Variants in TARBP1 observed in about 807,000 individuals in gnomAD.
TARBP1 encodes tRNA guanosine 2 -O-methyltransferase TARBP1.
TARBP1 carries 144 observed loss-of-function variants against 178.6 expected under a neutral mutation model. The observed-to-expected ratio is 0.81, with a 90% CI of 0.70 to 0.93. The LOEUF (loss-of-function observed/expected upper bound fraction) is 0.93. TARBP1 is among the 40% of genes least tolerant of loss of function. The probability of loss-of-function intolerance (pLI) is 0.00; values close to 1 mark genes in which losing one functional copy is unlikely to be tolerated. For synonymous variants in TARBP1, 787 were observed against 781.0 expected (o/e 1.01, Z -0.13); for missense variants, 2,067 against 2,011.7 (o/e 1.03, Z -0.53).
chr1:234,406,204 A>G, intron 23 of TARBP1, 105 bp from the exon 24 acceptor site: 1 of 1,050,110 alleles, frequency 9.5e-7, no homozygotes, highest in Non-Finnish European at 1.4e-6. Flanking sequence ...GCTCCTAGTA[A>G]AACTTCTTCC....
rs187200585 is a variant in TARBP1, at chr1:234,454,049, T to C, written c.1723-3483A>G. Among the ~76,000 whole-genome samples, 6 of 152,164 alleles carry C rather than the reference T, an allele frequency of 3.9e-5. No homozygotes were observed. In the East Asian group the frequency reaches 1.2e-3, roughly 29 times the overall value. ...GAGCTGGCTCCTTAAAAACAAATAA[T>C]ACAACAGGCAAATGTCTCACTCCTT... On this transcript the variant is annotated intron_variant, in intron 9 of 29. Transcript: ENST00000040877.
At chr1:234,453,192 T>C (rs1049946161) in intron 9 of TARBP1, among the ~76,000 whole-genome samples, 2 of 152,152 alleles carry the variant, frequency 1.3e-5, no homozygotes, top group Admixed American at 1.3e-4. Context: ...TAGTTCATAA[T>C]AGTAATCAAT....
chr1:234,454,475 T>G (rs1335415601), intron 9 of TARBP1, among the ~76,000 whole-genome samples: 2 of 151,592 alleles, frequency 1.3e-5, no homozygotes, highest in African/African-American at 4.9e-5. Context: ...GAAGGGAGAG[T>G]AGGAGGTCCA....
At chr1:234,410,623 G>C in intron 22 of TARBP1, 92 bp from the exon 23 acceptor site, 1 of 769,878 alleles carries the variant, frequency 1.3e-6, no homozygotes, top group Non-Finnish European at 2.1e-6. Context: ...TGAGGGCCCA[G>C]GACAGGAGGC....
chr1:234,451,748 C>CAAAAAAAAAAAAAAAAAAAAA (rs766485621), intron 9 of TARBP1, among the ~76,000 whole-genome samples: 1 of 6,620 alleles, frequency 1.5e-4, no homozygotes, highest in Non-Finnish European at 2.2e-4. Flanking sequence ...GACTCCGTCT[C>CAAAAAAAAAAAAAAAAAAAAA]AAAAAAAAAA....
intron 7 of TARBP1, among the ~76,000 whole-genome samples, chr1:234,459,987 A>T (rs1372523949): frequency 2.0e-5 from 3 of 152,086 alleles, no homozygotes; most frequent in Non-Finnish European, 2.9e-5. Flanking sequence ...ATGTAATTTT[A>T]AAAAAAACTT....
At chr1:234,460,479 C>T in intron 6 of TARBP1, 83 bp from the exon 7 acceptor site, 3 of 1,427,026 alleles carry the variant, frequency 2.1e-6, no homozygotes, top group South Asian at 1.3e-5. Context: ...TAGGGAAATA[C>T]AAGTCAAAAC....
chr1:234,459,848 A>C (rs1467660666), intron 7 of TARBP1, among the ~76,000 whole-genome samples: 1 of 151,896 alleles, frequency 6.6e-6, no homozygotes, highest in African/African-American at 2.4e-5. Flanking sequence ...GCTTTTAAAG[A>C]AGTTTATATT....
In TARBP1 at chr1:234,479,022, C is replaced by T. The variant is rs749118728; in HGVS notation, c.82G>A (p.Ala28Thr). 2.0e-6 allele frequency: 3 copies of T among 1,526,124 alleles called. No individual in the cohort carries two copies. The highest frequency in any genetic ancestry group is 2.6e-6 in the Non-Finnish European group (3 of 1,149,400). The allele number at this position is 1,526,124 out of a possible 1,614,324, so 94.5% of individuals were successfully genotyped here. ...AGCGTCTCCACGCGCTCCGCGGATG[C>T]CTCCCCTTGGCACAGCGCCCCAAGC... is the stretch of plus-strand genomic sequence containing the variant. ...ALLGALCQGEASAERVETLRF... is the reference protein window; with the variant it reads ...ALLGALCQGETSAERVETLRF... The change falls in exon 1 of 30, where the codon GCA becomes ACA. Residue 28 changes from alanine (A) to threonine (T), a missense_variant. Coordinates refer to ENST00000040877, the MANE Select transcript of TARBP1 (RefSeq NM_005646.4).
In TARBP1 at chr1:234,446,710, T is replaced by C. The variant is rs569382458; in HGVS notation, c.2134+93A>G. 1,280 of 919,010 alleles carry C rather than the reference T, an allele frequency of 1.4e-3. 4 individuals are homozygous for C. The highest frequency in any genetic ancestry group is 1.6e-3 in the Non-Finnish European group (1,062 of 684,018). The allele number at this position is 919,010 out of a possible 1,614,324, so 56.9% of individuals were successfully genotyped here. On this transcript the variant is annotated intron_variant, in intron 12 of 29. Transcript: ENST00000040877. ...TTTCTAAATTATATAAAAAGTTTTCTCTTTGTTTTAAAAAGACGGAAGTTT... is the reference window on the plus strand; with the variant it reads ...TTTCTAAATTATATAAAAAGTTTTCCCTTTGTTTTAAAAAGACGGAAGTTT...
chr1:234,418,566 G>T (rs1424393848), intron 21 of TARBP1, among the ~76,000 whole-genome samples: 1 of 152,184 alleles, frequency 6.6e-6, no homozygotes, highest in Non-Finnish European at 1.5e-5. Context: ...TTCAAATCAA[G>T]ATCTGCCAAG....
intron 9 of TARBP1, among the ~76,000 whole-genome samples, chr1:234,452,199 C>T (rs1210984452): frequency 6.6e-6 from 1 of 152,130 alleles, no homozygotes; most frequent in Admixed American, 6.5e-5. Flanking sequence ...ATCTAAATGG[C>T]AGTCTCTGGG....
intron 5 of TARBP1, among the ~76,000 whole-genome samples, chr1:234,464,304 T>G (rs1360861251): frequency 6.6e-6 from 1 of 152,214 alleles, no homozygotes; most frequent in African/African-American, 2.4e-5. Context: ...CTTTAAATTT[T>G]TAGGTCTAAA....
intron 9 of TARBP1, among the ~76,000 whole-genome samples, chr1:234,457,017 T>A (rs753634607): frequency 6.6e-6 from 1 of 152,174 alleles, no homozygotes; most frequent in Non-Finnish European, 1.5e-5. Flanking sequence ...GTCAGTTGTA[T>A]AAACTAAACC....
At chr1:234,466,040 A>G (rs534278210) in intron 4 of TARBP1, among the ~76,000 whole-genome samples, 1 of 152,308 alleles carries the variant, frequency 6.6e-6, no homozygotes, top group East Asian at 1.9e-4. Context: ...AAAACCAAAA[A>G]GATACTCAAG....
chr1:234,467,619 C>A lies in TARBP1; in HGVS notation c.1131G>T (p.Met377Ile). Residue 377 changes from methionine (M) to isoleucine (I), a missense_variant, in exon 4 of 30, where the codon ATG becomes ATT. Met to Ile is a conservative substitution (Grantham distance 10, BLOSUM62 1). Transcript: ENST00000040877. ...GCWLFHPSWH[M>I]CIYKRMFESE... ...TTTCAAACATTCTTTTATAAATACA[C>A]ATATGCCAGGATGGGTGAAAGAGCC... is the stretch of plus-strand genomic sequence containing the variant. The A allele has an allele frequency of 6.2e-7, 1 of 1,604,958 alleles. No individual in the cohort carries two copies. Among genetic ancestry groups the A allele is most frequent in the Non-Finnish European group, 8.5e-7 (1 of 1,177,530 alleles).
At chr1:234,410,757 C>T (rs187326067) in intron 22 of TARBP1, among the ~76,000 whole-genome samples, 27 of 152,304 alleles carry the variant, frequency 1.8e-4, no homozygotes, top group Admixed American at 1.2e-3. Context: ...ATCAGCAGGT[C>T]ACATAAAGTA....
At chr1:234,409,722 A>C (rs541058062) in intron 23 of TARBP1, among the ~76,000 whole-genome samples, 1 of 152,144 alleles carries the variant, frequency 6.6e-6, no homozygotes, top group South Asian at 2.1e-4. Context: ...AGGAAAGCTT[A>C]TTTTCCCTTA....
intron 10 of TARBP1, among the ~76,000 whole-genome samples, 173 bp from the exon 11 acceptor site, chr1:234,448,752 T>A (rs543971008): frequency 1.3e-5 from 2 of 152,302 alleles, no homozygotes; most frequent in African/African-American, 2.4e-5. Context: ...TATACATATC[T>A]ATTTCAACAG....
Sources: allele counts gnomAD v4.1 joint callset (sites outside exome capture counted in the v4.1 genomes callset), GRCh38; gene constraint gnomAD v4.1.1; transcripts MANE v1.5; gene names NCBI Gene and HGNC (gene_info 2026-07-23, HGNC 2026-07-21).